The following BCAS1 variants were observed in gnomAD, a reference collection of about 807,000 sequenced individuals.
BCAS1 encodes the protein breast carcinoma-amplified sequence 1.
BCAS1 carries 46 observed loss-of-function variants against 65.4 expected under a neutral mutation model. That is an observed-to-expected ratio of 0.70 (90% CI 0.55 to 0.90). BCAS1 has a LOEUF of 0.90. Among genes scored for constraint, BCAS1 ranks in the 40% least tolerant of loss-of-function variants. BCAS1 has a pLI of 0.00. For synonymous variants in BCAS1, 298 were observed against 293.5 expected, an observed-to-expected ratio of 1.02 and a Z score of -0.16; for missense variants, 793 against 771.2, an observed-to-expected ratio of 1.03 and a Z score of -0.33.
chr20:53,947,932 G>C (rs957541673), intron 12 of BCAS1, among the ~76,000 whole-genome samples: 1 of 152,104 alleles, frequency 6.6e-6, no homozygotes, highest in African/African-American at 2.4e-5. Flanking sequence ...GTACACTACT[G>C]CCCTTCATCT....
intron 8 of BCAS1, among the ~76,000 whole-genome samples, chr20:53,983,160 C>G (rs1421473653): frequency 1.3e-5 from 2 of 152,094 alleles, no homozygotes; most frequent in Non-Finnish European, 2.9e-5. Flanking sequence ...CTTGTAGATT[C>G]CAAACATTAA....
At chr20:53,971,060 G>A (rs1273516625) in intron 9 of BCAS1, among the ~76,000 whole-genome samples, 1 of 152,134 alleles carries the variant, frequency 6.6e-6, no homozygotes, top group Non-Finnish European at 1.5e-5. Context: ...CAATCAACAT[G>A]GTCAAGCTCC....
intron 1 of BCAS1, among the ~76,000 whole-genome samples, chr20:54,069,598 C>T (rs922011756): frequency 6.6e-6 from 1 of 152,162 alleles, no homozygotes; most frequent in African/African-American, 2.4e-5. Context: ...CTTCATGTTC[C>T]TAGTTGTAAA....
intron 9 of BCAS1, among the ~76,000 whole-genome samples, chr20:53,974,926 A>G (rs1033143707): frequency 4.6e-5 from 7 of 152,302 alleles, no homozygotes; most frequent in African/African-American, 1.7e-4. Flanking sequence ...CTAACCTGAG[A>G]CCGACATTCT....
intron 10 of BCAS1, among the ~76,000 whole-genome samples, chr20:53,963,284 C>G (rs1458689248): frequency 6.6e-6 from 1 of 151,592 alleles, no homozygotes; most frequent in Non-Finnish European, 1.5e-5. Context: ...GAGTTTGAGA[C>G]CAGCCTGGCC....
intron 4 of BCAS1, among the ~76,000 whole-genome samples, chr20:54,000,872 C>T (rs983368247): frequency 1.1e-4 from 16 of 152,256 alleles, no homozygotes; most frequent in African/African-American, 3.6e-4. Flanking sequence ...ACTTAACTTT[C>T]CAAACATATG....
At chr20:53,967,626 A>G (rs1390683098) in intron 9 of BCAS1, among the ~76,000 whole-genome samples, 1 of 152,232 alleles carries the variant, frequency 6.6e-6, no homozygotes, top group Non-Finnish European at 1.5e-5. Context: ...GTCATTTGCC[A>G]TTTCACTTAA....
chr20:54,024,753 G>A (rs967547170), intron 4 of BCAS1, among the ~76,000 whole-genome samples: 2 of 152,136 alleles, frequency 1.3e-5, no homozygotes, highest in Admixed American at 6.5e-5. Context: ...TCACTGTGTC[G>A]GATTCAACTT....
chr20:54,001,904 C>G (rs2091064363), intron 4 of BCAS1, among the ~76,000 whole-genome samples: 1 of 152,112 alleles, frequency 6.6e-6, no homozygotes, highest in Non-Finnish European at 1.5e-5. Flanking sequence ...GTCTAGGAAG[C>G]TAATATTTTC....
At position 54,052,541 on chromosome 20, in the gene BCAS1, G is replaced by T. The variant is rs118183940; in HGVS notation, c.142+5544C>A. ...TTACCATGTGATCATATTAAGAGGT[G>T]AGGCCTTAAGGAGGTGATTGAGTTT... On this transcript the variant is annotated intron_variant, in intron 3 of 12. Coordinates refer to ENST00000688948, the MANE Select transcript of BCAS1 (RefSeq NM_001366298.2). Among the ~76,000 whole-genome samples, 97 of 152,306 alleles carry T rather than the reference G, an allele frequency of 6.4e-4. 2 individuals carry two copies. In the East Asian group the frequency reaches 0.015, roughly 24 times the overall value.
intron 9 of BCAS1, among the ~76,000 whole-genome samples, chr20:53,969,009 C>T (rs537938522): frequency 9.2e-5 from 14 of 152,132 alleles, no homozygotes; most frequent in Admixed American, 2.6e-4. Flanking sequence ...ATCGCATTTC[C>T]GAAAAGTAAG....
At chr20:54,036,316 T>C (rs290461) in intron 3 of BCAS1, among the ~76,000 whole-genome samples, 10,192 of 151,090 alleles carry the variant, frequency 0.067, 829 homozygotes, top group East Asian at 0.31. Context: ...TTAAGGAAAA[T>C]TAAAAAGAAA....
At chr20:53,994,566 A>C (rs1163446695) in intron 6 of BCAS1, among the ~76,000 whole-genome samples, 3 of 152,226 alleles carry the variant, frequency 2.0e-5, no homozygotes, top group African/African-American at 7.2e-5. Flanking sequence ...TTAGAAAACA[A>C]AAATATAGCA....
At chr20:53,960,510 T>A (rs73137776) in intron 10 of BCAS1, among the ~76,000 whole-genome samples, 31,636 of 142,052 alleles carry the variant, frequency 0.22, 4,477 homozygotes, top group Non-Finnish European at 0.31. Context: ...AGAGAGAGTA[T>A]CTCAAACTTT....
chr20:53,994,988 A>C, intron 6 of BCAS1, 24 bp downstream of exon 6: 1 of 1,607,180 alleles, frequency 6.2e-7, no homozygotes, highest in Non-Finnish European at 8.5e-7. Context: ...CCAAATATAT[A>C]CATACACACT....
At chr20:54,033,465 AT>A (rs2091842617) in intron 3 of BCAS1, among the ~76,000 whole-genome samples, 2 of 151,146 alleles carry the variant, frequency 1.3e-5, no homozygotes, top group African/African-American at 4.8e-5. Context: ...GACAAGGGGG[AT>A]ATTACCACTG....
intron 3 of BCAS1, among the ~76,000 whole-genome samples, chr20:54,050,574 A>G (rs1797191227): frequency 6.6e-6 from 1 of 152,206 alleles, no homozygotes; most frequent in East Asian, 1.9e-4. Context: ...ATACACAGAT[A>G]CACGTCAGTG....
rs180759390 is a variant in BCAS1 at position 54,011,842 on chromosome 20, G to A, written c.724-15792C>T. ...CCACTGCACTTGCCTGGGCAACAGAGCAAGATCCAATCTCAAAAACTTAAA... is the reference window on the plus strand; with the variant it reads ...CCACTGCACTTGCCTGGGCAACAGAACAAGATCCAATCTCAAAAACTTAAA... On this transcript the variant is annotated intron_variant, in intron 4 of 12. Transcript: ENST00000688948. 1.3e-3 allele frequency among the ~76,000 whole-genome samples: 200 copies of A among 152,262 alleles called. 1 individual carries two copies. Among genetic ancestry groups the A allele is most frequent in the African/African-American group, 4.5e-3 (188 of 41,554 alleles).
intron 11 of BCAS1, among the ~76,000 whole-genome samples, chr20:53,955,033 C>T (rs1044453442): frequency 3.9e-5 from 6 of 152,164 alleles, no homozygotes; most frequent in Admixed American, 2.6e-4. Context: ...CTTGACCCAC[C>T]GGATACATGT....
Sources: gnomAD v4.1 joint callset for allele counts (sites outside exome capture counted in the v4.1 genomes callset) on GRCh38, gnomAD v4.1.1 for gene constraint, MANE v1.5 for transcripts, NCBI Gene and HGNC (gene_info 2026-07-23, HGNC 2026-07-21) for gene names.